Variants in RP2 observed in about 807,000 individuals in gnomAD.
RP2 encodes the protein RP2 activator of ARL3 GTPase.
RP2 carries 3 observed loss-of-function variants against 20.3 expected under a neutral mutation model. The observed-to-expected ratio is 0.15, with a 90% CI of 0.07 to 0.38. The LOEUF is 0.38. Ranked by LOEUF, RP2 falls within the 10% of genes least tolerant of loss-of-function variation. The pLI is 1.00. For synonymous variants in RP2, 75 were observed against 94.8 expected, an observed-to-expected ratio of 0.79 and a Z score of 1.22; for missense variants, 233 against 268.5, an observed-to-expected ratio of 0.87 and a Z score of 0.92.
intron 2 of RP2, among the ~76,000 whole-genome samples, chrX:46,859,710 T>G (rs1925031719): frequency 9.0e-6 from 1 of 111,298 alleles, no homozygotes; most frequent in African/African-American, 3.3e-5. Context: ...TCCATCTGGT[T>G]GTAGAAAAAT....
intron 3 of RP2, among the ~76,000 whole-genome samples, chrX:46,868,386 G>T (rs1237159702): frequency 1.8e-5 from 2 of 110,073 alleles, no homozygotes; most frequent in Non-Finnish European, 3.8e-5. Context: ...AATGAGCCGA[G>T]CATGGTGTCA....
chrX:46,851,697 C>T lies in RP2; in HGVS notation c.103-1779C>T, dbSNP rs187072809. Among the ~76,000 whole-genome samples the T allele has an allele frequency of 3.1e-3, 335 of 109,263 alleles. 3 individuals are homozygous for T. Among genetic ancestry groups the T allele is most frequent in the Middle Eastern group, 9.9e-3 (2 of 203 alleles). The allele number at this position is 109,263 out of a possible 115,157, so 94.9% of individuals were successfully genotyped here. ...CTGTAATCCCAGCACTTTGGGAGGC[C>T]GAGGCAGGTGGATCACAAAGCCAGG... On this transcript the variant is annotated intron_variant, in intron 1 of 4. Transcript: ENST00000218340.
At position 46,879,358 on chromosome X, in the gene RP2, A is replaced by C. The variant is rs782309631; in HGVS notation, c.970-328A>C. Among the ~76,000 whole-genome samples, 8 of 111,412 alleles carry C rather than the reference A, an allele frequency of 7.2e-5. 1 individual carries two copies. The South Asian group carries it at 3.0e-3, about 42-fold the overall frequency. Reference sequence around the variant, plus strand: ...TTATTAGAAAATAGAAGAAACAAAGAGTTTTTTAAGTGACTCTTATTCAGT... The same window carrying C: ...TTATTAGAAAATAGAAGAAACAAAGCGTTTTTTAAGTGACTCTTATTCAGT... On this transcript the variant is annotated intron_variant, in intron 4 of 4. Coordinates refer to ENST00000218340, the MANE Select transcript of RP2 (RefSeq NM_006915.3).
chrX:46,847,826 A>G (rs782518862), intron 1 of RP2, among the ~76,000 whole-genome samples: 19 of 89,535 alleles, frequency 2.1e-4, no homozygotes, highest in African/African-American at 5.5e-4. Flanking sequence ...ATATGTGTAT[A>G]TGTGTATATA....
intron 1 of RP2, among the ~76,000 whole-genome samples, chrX:46,851,356 G>A (rs781936541): frequency 8.9e-6 from 1 of 111,821 alleles, no homozygotes; most frequent in Admixed American, 9.5e-5. Flanking sequence ...GATTATGTGG[G>A]CCGGGCTCGG....
chrX:46,871,269 G>A (rs1383909059), intron 3 of RP2, among the ~76,000 whole-genome samples: 8 of 109,963 alleles, frequency 7.3e-5, no homozygotes, highest in Non-Finnish European at 1.5e-4. Context: ...TGATCTGCCC[G>A]CCTCAGCCTC....
At position 46,881,317 on chromosome X, in the gene RP2, A is replaced by G. The variant is rs1446414967; in HGVS notation, c.*1548A>G. On this transcript the variant is annotated 3_prime_UTR_variant, in exon 5 of 5. Transcript: ENST00000218340. ...CATTCAATACTACAAAATCAACATG[A>G]TTTCATAAGGTGCAAATAAAAGTTG... is the stretch of plus-strand genomic sequence containing the variant. 1 of 111,486 alleles carries G rather than the reference A, an allele frequency of 9.0e-6. No homozygotes were observed. Among genetic ancestry groups the G allele is most frequent in the Non-Finnish European group, 1.9e-5 (1 of 53,067 alleles). The allele number at this position is 111,486 out of a possible 1,213,427, so 9.2% of individuals were successfully genotyped here.
intron 1 of RP2, among the ~76,000 whole-genome samples, chrX:46,837,833 T>G (rs1346907074): frequency 8.9e-6 from 1 of 112,475 alleles, no homozygotes; most frequent in East Asian, 2.8e-4. Context: ...GGAATGTGTA[T>G]TAAGACTGTA....
intron 1 of RP2, among the ~76,000 whole-genome samples, chrX:46,847,802 A>ATACACACATATGTGTGTGTG (rs1569531413): frequency 1.2e-4 from 10 of 80,102 alleles, no homozygotes; most frequent in South Asian, 5.5e-4. Context: ...GTGTGTGTAT[A>ATACACACATATGTGTGTGTG]TATATACACA....
intron 1 of RP2, among the ~76,000 whole-genome samples, chrX:46,844,756 C>T (rs1420844888): frequency 5.4e-5 from 6 of 111,541 alleles, no homozygotes; most frequent in East Asian, 2.8e-4. Flanking sequence ...ATCGCCACAC[C>T]GTCTTCCACA....
chrX:46,861,890 TCCATA>T (rs1188323992), intron 3 of RP2, among the ~76,000 whole-genome samples: 2 of 111,390 alleles, frequency 1.8e-5, no homozygotes, highest in Non-Finnish European at 3.8e-5. Flanking sequence ...AATCTATGCA[TCCATA>T]TTGTTAAACA....
In RP2 at chrX:46,853,862, G is replaced by A; in HGVS notation, c.489G>A (p.Gly163=). ...PELAFQFKDA[G]LSIFNNTWSN... ...TAGCTTTCCAGTTCAAAGATGCAGG[G>A]CTAAGTATCTTCAACAATACATGGA... Residue 163 remains glycine, a synonymous_variant, in exon 2 of 5, where the codon GGG becomes GGA. Coordinates refer to ENST00000218340, the MANE Select transcript of RP2 (RefSeq NM_006915.3). 2 of 1,211,655 alleles carry A rather than the reference G, an allele frequency of 1.7e-6. No individual in the cohort carries two copies. Among genetic ancestry groups the A allele is most frequent in the Non-Finnish European group, 2.2e-6 (2 of 895,516 alleles).
intron 1 of RP2, 138 bp from the exon 2 acceptor site, chrX:46,853,338 G>C (rs1321416464): frequency 7.9e-6 from 4 of 509,265 alleles, no homozygotes; most frequent in Non-Finnish European, 1.3e-5. Context: ...TGTTCATTTT[G>C]TTACTGTGTT....
chrX:46,847,715 CATATATGTGTGTGTGTATATACACACAT>C (rs1328526307), intron 1 of RP2, among the ~76,000 whole-genome samples: 1 of 78,114 alleles, frequency 1.3e-5, no homozygotes, highest in African/African-American at 5.0e-5. Context: ...TATATACACA[CATATATGTGTGTGTGTATATACACACAT>C]ATGTGTGTGT....
intron 4 of RP2, among the ~76,000 whole-genome samples, chrX:46,879,062 T>TTA (rs1556328214): frequency 3.6e-4 from 12 of 33,044 alleles, no homozygotes; most frequent in African/African-American, 1.8e-3. Context: ...CTACAAAAAG[T>TTA]AAAAAAAAAA....
intron 3 of RP2, among the ~76,000 whole-genome samples, chrX:46,875,861 T>C (rs1044726587): frequency 8.9e-6 from 1 of 112,095 alleles, no homozygotes; most frequent in Admixed American, 9.5e-5. Context: ...AAATACATGT[T>C]AGGTGCTATG....
intron 2 of RP2, among the ~76,000 whole-genome samples, chrX:46,855,001 C>A (rs782755635): frequency 9.0e-6 from 1 of 111,409 alleles, no homozygotes; most frequent in South Asian, 3.7e-4. Context: ...CTTTTGACCT[C>A]ATGATCCACC....
intron 1 of RP2, among the ~76,000 whole-genome samples, chrX:46,852,490 G>A (rs1403886866): frequency 8.9e-6 from 1 of 111,987 alleles, no homozygotes; most frequent in East Asian, 2.8e-4. Context: ...GAAATCAGTT[G>A]GGGTTTAGAA....
chrX:46,837,510 C>T (rs936879726), intron 1 of RP2, among the ~76,000 whole-genome samples: 1 of 111,454 alleles, frequency 9.0e-6, no homozygotes, highest in Non-Finnish European at 1.9e-5. Flanking sequence ...TGGAGATGAT[C>T]GATTCGAGAG....
Sources: allele counts gnomAD v4.1 joint callset (sites outside exome capture counted in the v4.1 genomes callset), GRCh38; gene constraint gnomAD v4.1.1; transcripts MANE v1.5; gene names NCBI Gene and HGNC (gene_info 2026-07-23, HGNC 2026-07-21).